The following STON1 variants were observed in gnomAD, a reference collection of about 807,000 sequenced individuals.
STON1 encodes stonin 1, also known as stonin-1.
A neutral mutation model predicts 60.9 loss-of-function variants in STON1; 79 were observed. The observed-to-expected ratio is 1.30, with a 90% CI of 1.08 to 1.56. STON1 has a LOEUF of 1.56. Ranked by LOEUF, STON1 falls within the 40% of genes most tolerant of loss-of-function variation. The pLI, the probability that STON1 is intolerant of heterozygous loss-of-function variation, is 0.00. For missense variants in STON1, 1,166 were observed against 858.9 expected (o/e 1.36, Z -4.47); for synonymous variants, 363 against 306.9 (o/e 1.18, Z -1.91).
intron 3 of STON1, 39 bp from the exon 4 acceptor site, chr2:48,595,189 A>G (rs1674729308): frequency 3.9e-6 from 6 of 1,533,074 alleles, no homozygotes; most frequent in Non-Finnish European, 4.5e-6. Context: ...GCTGTGTTGC[A>G]TTTGTTAATG....
intron 2 of STON1, among the ~76,000 whole-genome samples, chr2:48,585,846 C>T (rs929751770): frequency 6.6e-6 from 1 of 152,208 alleles, no homozygotes; most frequent in South Asian, 2.1e-4. Context: ...TGTTGTTTTC[C>T]GTTGATCCTA....
intron 2 of STON1, among the ~76,000 whole-genome samples, chr2:48,583,807 G>A (rs990614797): frequency 4.7e-5 from 7 of 149,670 alleles, no homozygotes; most frequent in African/African-American, 1.2e-4. Flanking sequence ...GGTGGAGTGC[G>A]GTGGCACAAT....
chr2:48,553,902 G>A (rs866887835), intron 1 of STON1, among the ~76,000 whole-genome samples: 16 of 152,204 alleles, frequency 1.1e-4, no homozygotes, highest in African/African-American at 3.9e-4. Flanking sequence ...GAGAAGCAGA[G>A]TTAGAAGAAA....
intron 1 of STON1, among the ~76,000 whole-genome samples, chr2:48,557,016 G>A (rs1439595159): frequency 2.3e-5 from 2 of 88,244 alleles, no homozygotes; most frequent in Non-Finnish European, 4.7e-5. Context: ...CTGCCCGGGC[G>A]GGGGGGCTGA....
chr2:48,563,392 T>G (rs1281277242), intron 1 of STON1, among the ~76,000 whole-genome samples: 1 of 152,176 alleles, frequency 6.6e-6, no homozygotes, highest in East Asian at 1.9e-4. Context: ...GTCTGCTGTC[T>G]TGGAAAGCAA....
At chr2:48,577,513 G>A (rs62135236) in intron 1 of STON1, among the ~76,000 whole-genome samples, 48,958 of 150,880 alleles carry the variant, frequency 0.32, 8,077 homozygotes, top group East Asian at 0.42. Flanking sequence ...CCAGGGAGGC[G>A]GATGTTGCAG....
At chr2:48,544,973 T>G (rs1438454518) in intron 1 of STON1, among the ~76,000 whole-genome samples, 1 of 152,238 alleles carries the variant, frequency 6.6e-6, no homozygotes, top group Non-Finnish European at 1.5e-5. Flanking sequence ...CCAGGCCTGT[T>G]GCTCATTTGT....
rs544205952 is a variant in STON1 at position 48,539,262 on chromosome 2, T to C, written c.-48+9046T>C. 6.6e-5 allele frequency among the ~76,000 whole-genome samples: 10 copies of C among 152,140 alleles called. No individual in the cohort carries two copies. In the South Asian group the frequency reaches 1.9e-3, roughly 28 times the overall value. On this transcript the variant is annotated intron_variant, in intron 1 of 3. Coordinates refer to ENST00000404752, the MANE Select transcript of STON1 (RefSeq NM_006873.4). ...TGTTTATTTGTGCCAACTCTCTTTT[T>C]CTTTATTAATATAGATGTCTACTAC...
In STON1 at chr2:48,578,581, C is replaced by CTTTTTTTTTTTTTTTTTTTTTTTTT. The variant is rs59933765; in HGVS notation, c.-47-2005_-47-1981dup. On this transcript the variant is annotated intron_variant, in intron 1 of 3. Transcript: ENST00000404752. ...CTTCTCCTCCTCCTCCTCCTCCTTC[C>CTTTTTTTTTTTTTTTTTTTTTTTTT]TTTTTTTTTTTTTTTTTTTTTTTTT... 4.3e-5 allele frequency among the ~76,000 whole-genome samples: 2 copies of CTTTTTTTTTTTTTTTTTTTTTTTTT among 46,166 alleles called. 1 individual carries two copies. The highest frequency in any genetic ancestry group is 1.9e-4 in the African/African-American group (2 of 10,772). The allele number at this position is 46,166 out of a possible 152,430, so 30.3% of individuals were successfully genotyped here.
At chr2:48,554,293 C>A (rs1281146793) in intron 1 of STON1, among the ~76,000 whole-genome samples, 2 of 152,168 alleles carry the variant, frequency 1.3e-5, no homozygotes, top group Admixed American at 6.5e-5. Context: ...ACAATCTCGG[C>A]TCACTGCAAC....
chr2:48,564,470 CTT>C (rs1451137581), intron 1 of STON1, among the ~76,000 whole-genome samples: 11 of 54,562 alleles, frequency 2.0e-4, no homozygotes, highest in African/African-American at 7.3e-4. Context: ...TCTTCTTCTT[CTT>C]CTTCTTCTTT....
In STON1 at chr2:48,591,751, G is replaced by A. The variant is rs747048843; in HGVS notation, c.2029G>A (p.Val677Met). The A allele has an allele frequency of 8.7e-6, 14 of 1,613,866 alleles. No homozygotes were observed. Among genetic ancestry groups the A allele is most frequent in the Admixed American group, 8.3e-5 (5 of 59,974 alleles). The change falls in exon 3 of 4, where the codon GTG becomes ATG. Residue 677 changes from valine (V) to methionine (M), a missense_variant. By Grantham distance (21) the Val-to-Met change is conservative (BLOSUM62 1). Coordinates refer to ENST00000404752, the MANE Select transcript of STON1 (RefSeq NM_006873.4). Reference sequence around the variant, plus strand: ...TCCATTTGCTACTGTTCAGTTTTCCGTGCCTGACACCTGTGCCTCAAGGAC... The same window carrying A: ...TCCATTTGCTACTGTTCAGTTTTCCATGCCTGACACCTGTGCCTCAAGGAC... ...WYPFATVQFSVPDTCASRTEV... is the reference protein window; with the variant it reads ...WYPFATVQFSMPDTCASRTEV...
In STON1 at chr2:48,583,717, A is replaced by T. The variant is rs555656160; in HGVS notation, c.1930+1154A>T. ...CCTGAGTTGATGCATTCATGCATCC[A>T]TCGATCCATCCATCCATTGATCCAA... is the stretch of plus-strand genomic sequence containing the variant. On this transcript the variant is annotated intron_variant, in intron 2 of 3. Coordinates refer to ENST00000404752, the MANE Select transcript of STON1 (RefSeq NM_006873.4). Among the ~76,000 whole-genome samples the T allele has an allele frequency of 4.0e-5, 6 of 150,680 alleles. No homozygotes were observed. The East Asian group carries it at 1.2e-3, about 29-fold the overall frequency.
At chr2:48,592,184 A>G (rs534322336) in intron 3 of STON1, among the ~76,000 whole-genome samples, 1 of 152,202 alleles carries the variant, frequency 6.6e-6, no homozygotes, top group Non-Finnish European at 1.5e-5. Context: ...CATGTGTCCC[A>G]TATAATTATC....
At chr2:48,564,480 T>TTCTTCTTTCTTCTTCTTCTTC (rs1558604783) in intron 1 of STON1, among the ~76,000 whole-genome samples, 2 of 32,480 alleles carry the variant, frequency 6.2e-5, no homozygotes, top group African/African-American at 1.2e-4. Context: ...CTTCTTCTTC[T>TTCTTCTTTCTTCTTCTTCTTC]TTCTTCTTCT....
intron 1 of STON1, among the ~76,000 whole-genome samples, chr2:48,533,578 T>A (rs62135197): frequency 0.19 from 27,792 of 145,470 alleles, 2,959 homozygotes; most frequent in Admixed American, 0.3. Context: ...TAATGTCAGC[T>A]ACTCGGGAGG....
At chr2:48,592,025 C>T (rs1674547610) in intron 3 of STON1, among the ~76,000 whole-genome samples, 170 bp downstream of exon 3, 1 of 152,080 alleles carries the variant, frequency 6.6e-6, no homozygotes, top group African/African-American at 2.4e-5. Flanking sequence ...CTTAGTTCTT[C>T]CTATCCATTC....
chr2:48,580,031 T>C (rs6741677), intron 1 of STON1, among the ~76,000 whole-genome samples: 49,520 of 151,978 alleles, frequency 0.33, 8,204 homozygotes, highest in East Asian at 0.42. Flanking sequence ...CTCAGCTACC[T>C]GAGTAGCTGG....
At chr2:48,542,686 C>T (rs1157716203) in intron 1 of STON1, among the ~76,000 whole-genome samples, 1 of 152,148 alleles carries the variant, frequency 6.6e-6, no homozygotes, top group Non-Finnish European at 1.5e-5. Context: ...GGGTGGATCA[C>T]TTGAGGCCAG....
Sources: allele counts gnomAD v4.1 joint callset (sites outside exome capture counted in the v4.1 genomes callset), GRCh38; gene constraint gnomAD v4.1.1; transcripts MANE v1.5; gene names NCBI Gene and HGNC (gene_info 2026-07-23, HGNC 2026-07-21).